The following PRMT8 variants were observed in gnomAD, a reference collection of about 807,000 sequenced individuals.
PRMT8 encodes the protein protein arginine N-methyltransferase 8.
A neutral mutation model predicts 47.1 loss-of-function variants in PRMT8; 7 were observed. The ratio of observed to expected loss-of-function variants is 0.15; its 90% CI spans 0.08 to 0.28. The LOEUF (loss-of-function observed/expected upper bound fraction) is 0.28. Among genes scored for constraint, PRMT8 ranks in the 10% least tolerant of loss-of-function variants. The pLI is 1.00. For missense variants in PRMT8, 237 were observed against 505.4 expected (o/e 0.47, Z 5.09); for synonymous variants, 188 against 186.5 (o/e 1.01, Z -0.07).
At chr12:3,495,989 C>A (rs1865498536) in intron 1 of PRMT8, among the ~76,000 whole-genome samples, 1 of 151,830 alleles carries the variant, frequency 6.6e-6, no homozygotes, top group African/African-American at 2.4e-5. Context: ...ATCTGAATAG[C>A]AGATAAATGG....
At chr12:3,475,537 G>A (rs368150714) in intron 1 of PRMT8, among the ~76,000 whole-genome samples, 3 of 152,340 alleles carry the variant, frequency 2.0e-5, no homozygotes, top group Non-Finnish European at 2.9e-5. Flanking sequence ...CTCGGGATCC[G>A]GGTCAGGCTG....
At chr12:3,470,713 C>T (rs948184101) in intron 1 of PRMT8, among the ~76,000 whole-genome samples, 2 of 152,054 alleles carry the variant, frequency 1.3e-5, no homozygotes, top group African/African-American at 4.8e-5. Context: ...GGAGGGGCCT[C>T]AGGGATGGAG....
At chr12:3,519,771 A>G (rs1318319713) in intron 1 of PRMT8, among the ~76,000 whole-genome samples, 1 of 152,174 alleles carries the variant, frequency 6.6e-6, no homozygotes, top group African/African-American at 2.4e-5. Flanking sequence ...AAATGGTGAG[A>G]AAAAGGGCTG....
intron 1 of PRMT8, among the ~76,000 whole-genome samples, chr12:3,532,636 A>AG (rs1866051043): frequency 6.6e-6 from 1 of 150,686 alleles, no homozygotes; most frequent in Non-Finnish European, 1.5e-5. Flanking sequence ...AAAAAAAAAA[A>AG]AAAAAGAGCT....
At chr12:3,513,444 G>T (rs117516573) in intron 1 of PRMT8, among the ~76,000 whole-genome samples, 2,686 of 152,242 alleles carry the variant, frequency 0.018, 37 homozygotes, top group South Asian at 0.056. Context: ...GACTGTGTGG[G>T]TCCCAGTAAG....
At chr12:3,499,169 A>T (rs868806780) in intron 1 of PRMT8, among the ~76,000 whole-genome samples, 61 of 130,690 alleles carry the variant, frequency 4.7e-4, no homozygotes, top group African/African-American at 1.4e-3. Flanking sequence ...ATTTTTATTT[A>T]TTTATTTATT....
chr12:3,444,981 G>A (rs1264678023), intron 1 of PRMT8, among the ~76,000 whole-genome samples: 1 of 152,260 alleles, frequency 6.6e-6, no homozygotes, highest in South Asian at 2.1e-4. Flanking sequence ...GGAAGGTTAG[G>A]GGTGATGGGG....
intron 2 of PRMT8, among the ~76,000 whole-genome samples, chr12:3,543,399 G>A (rs1451729880): frequency 6.6e-6 from 1 of 152,226 alleles, no homozygotes; most frequent in African/African-American, 2.4e-5. Context: ...TTCCATGCCA[G>A]ATGGATCGTG....
rs769020937 is a variant in PRMT8 at position 3,436,796 on chromosome 12, G to C, written c.48+55354G>C. ...TGGAGGCCTGGGTGATGGGAGAAGC[G>C]GATCCAGCAGGCAAGGCTGCGATTT... On this transcript the variant is annotated intron_variant, in intron 1 of 9. Coordinates refer to the PRMT8 transcript ENST00000452611. This position sits in a 1 kb window ranked among gnomAD's most constrained non-coding sequence, Gnocchi z 4.2. Among the ~76,000 whole-genome samples the C allele has an allele frequency of 6.6e-6, 1 of 152,200 alleles. No homozygotes were observed. The highest frequency in any genetic ancestry group is 1.5e-5 in the Non-Finnish European group (1 of 68,040).
intron 4 of PRMT8, among the ~76,000 whole-genome samples, chr12:3,558,953 TCTATCTAC>T (rs1341396358): frequency 1.3e-4 from 17 of 134,188 alleles, no homozygotes; most frequent in Admixed American, 9.9e-4. Flanking sequence ...TATCTGTCTA[TCTATCTAC>T]CTATCTATCT....
At chr12:3,496,306 T>A (rs1190860963) in intron 1 of PRMT8, among the ~76,000 whole-genome samples, 2 of 141,246 alleles carry the variant, frequency 1.4e-5, no homozygotes, top group Non-Finnish European at 3.0e-5. Context: ...AATCCTACAA[T>A]GTGACAATGA....
intron 1 of PRMT8, among the ~76,000 whole-genome samples, chr12:3,438,047 A>G (rs567050754): frequency 6.6e-6 from 1 of 152,238 alleles, no homozygotes; most frequent in African/African-American, 2.4e-5. Flanking sequence ...GCTTGCCCTG[A>G]GTCTACGATT....
chr12:3,459,407 T>A (rs762614066), intron 1 of PRMT8, among the ~76,000 whole-genome samples: 17 of 152,194 alleles, frequency 1.1e-4, no homozygotes, highest in Non-Finnish European at 1.6e-4. Context: ...GGGAAGCTCC[T>A]GTCAGGGCAT....
At position 3,508,896 on chromosome 12, in the gene PRMT8, C is replaced by G. The variant is rs1266352772; in HGVS notation, c.75+17196C>G. Reference sequence around the variant, plus strand: ...TCTTGGTAATAAGTCACCAAAATCACAAGCCTGAACTCTGCTCTCTCCTTT... The same window carrying G: ...TCTTGGTAATAAGTCACCAAAATCAGAAGCCTGAACTCTGCTCTCTCCTTT... On this transcript the variant is annotated intron_variant, in intron 1 of 9. Transcript: ENST00000382622. The surrounding 1 kb of genome is among the most constrained non-coding windows in gnomAD (Gnocchi z 4.9). Among the ~76,000 whole-genome samples, 2 of 152,182 alleles carry G rather than the reference C, an allele frequency of 1.3e-5. No individual in the cohort carries two copies. The highest frequency in any genetic ancestry group is 3.9e-4 in the East Asian group (2 of 5,184).
At chr12:3,491,178 A>T, upstream of PRMT8, 1 of 990,004 alleles carries the variant, frequency 1.0e-6, no homozygotes. Flanking sequence ...CTCAGCCCCT[A>T]GGAGAGACGC....
intron 1 of PRMT8, among the ~76,000 whole-genome samples, chr12:3,461,585 C>A (rs1352430901): frequency 2.0e-5 from 3 of 152,230 alleles, no homozygotes; most frequent in Admixed American, 6.5e-5. Context: ...GCCCTGCTGA[C>A]CTCATTGGAT....
chr12:3,467,528 C>A (rs1865113695), intron 1 of PRMT8, among the ~76,000 whole-genome samples: 1 of 152,118 alleles, frequency 6.6e-6, no homozygotes, highest in Non-Finnish European at 1.5e-5. Context: ...CTACCCTTAG[C>A]TGTGGAAACC....
intron 8 of PRMT8, among the ~76,000 whole-genome samples, chr12:3,586,944 C>T (rs934756178): frequency 7.2e-5 from 11 of 152,164 alleles, no homozygotes; most frequent in Non-Finnish European, 1.5e-4. Flanking sequence ...CAGCCACCTT[C>T]GCGTGTCAGC....
At chr12:3,520,244 C>G (rs899558323) in intron 1 of PRMT8, among the ~76,000 whole-genome samples, 1 of 152,192 alleles carries the variant, frequency 6.6e-6, no homozygotes, top group Non-Finnish European at 1.5e-5. Flanking sequence ...TCGGGAAAAC[C>G]AACGGTGCCT....
Sources: gnomAD v4.1 joint callset for allele counts (sites outside exome capture counted in the v4.1 genomes callset) on GRCh38, gnomAD v4.1.1 for gene constraint, Gnocchi (gnomAD v3.1) non-coding constraint, MANE v1.5 for transcripts, NCBI Gene and HGNC (gene_info 2026-07-23, HGNC 2026-07-21) for gene names.